Variants in KDM7A observed in about 807,000 individuals in gnomAD.
KDM7A encodes lysine demethylase 7A.
Under a neutral mutation model 114.8 loss-of-function variants are expected in KDM7A, and 28 were observed. The ratio of observed to expected loss-of-function variants is 0.24; its 90% CI spans 0.18 to 0.33. The LOEUF is 0.33. KDM7A is among the 10% of genes least tolerant of loss of function. KDM7A has a pLI of 1.00. For missense variants in KDM7A, 942 were observed against 1,142.5 expected (o/e 0.82, Z 2.53); for synonymous variants, 423 against 397.8 (o/e 1.06, Z -0.75).
intron 1 of KDM7A, among the ~76,000 whole-genome samples, chr7:140,163,916 T>G (rs980141523): frequency 6.6e-6 from 1 of 152,128 alleles, no homozygotes; most frequent in Non-Finnish European, 1.5e-5. Context: ...AAAAAGAAAT[T>G]TTCTAATTAT....
intron 10 of KDM7A, among the ~76,000 whole-genome samples, chr7:140,113,245 T>C (rs1818461410): frequency 6.6e-6 from 1 of 152,250 alleles, no homozygotes; most frequent in African/African-American, 2.4e-5. Flanking sequence ...TCTTAGTCAA[T>C]TTCCTAAATA....
At chr7:140,104,172 C>A (rs1214426787) in intron 11 of KDM7A, among the ~76,000 whole-genome samples, 1 of 151,978 alleles carries the variant, frequency 6.6e-6, no homozygotes, top group African/African-American at 2.4e-5. Context: ...GATTTTTTCT[C>A]GTAAATCTGT....
At chr7:140,158,514 AGAAGGGAG>A (rs1794483469) in intron 1 of KDM7A, among the ~76,000 whole-genome samples, 1 of 152,370 alleles carries the variant, frequency 6.6e-6, no homozygotes, top group East Asian at 1.9e-4. Flanking sequence ...GTTCTGATCA[AGAAGGGAG>A]GGAGTCGTGG....
intron 6 of KDM7A, among the ~76,000 whole-genome samples, chr7:140,125,577 G>GT (rs1048781148): frequency 6.6e-6 from 1 of 152,108 alleles, no homozygotes. Context: ...CTTTTGTTTT[G>GT]TTTTTTTGAG....
Position 140,107,326 on chromosome 7 carries a change from G to GT in KDM7A, c.1428+3768_1428+3769insA, listed in dbSNP as rs1818354893. Among the ~76,000 whole-genome samples the GT allele has an allele frequency of 3.9e-5, 6 of 152,268 alleles. No homozygotes were observed. The South Asian group carries it at 1.2e-3, about 32-fold the overall frequency. ...TGATCCACTCATTATGATGTTAGCT[G>GT]CTTATTTTGCTTGTTAGTTGGTGCA... On this transcript the variant is annotated intron_variant, in intron 11 of 19. Coordinates refer to ENST00000397560, the MANE Select transcript of KDM7A (RefSeq NM_030647.2).
At position 140,176,625 on chromosome 7, in the gene KDM7A, C is replaced by G; in HGVS notation, c.194+119G>C. The G allele has an allele frequency of 1.3e-6, 1 of 742,972 alleles. No homozygotes were observed. Among genetic ancestry groups the G allele is most frequent in the African/African-American group, 1.9e-5 (1 of 51,638 alleles). 46.0% of individuals were successfully genotyped at this position (742,972 alleles called of 1,614,324 possible). ...GGCCGGGGGGCTAGGCACCGGGGCC[C>G]CCTGAAAGCTGGGCGCGGCGCGGCG... On this transcript the variant is annotated intron_variant, in intron 1 of 19. Coordinates refer to ENST00000397560, the MANE Select transcript of KDM7A (RefSeq NM_030647.2). This position sits in a 1 kb window ranked among gnomAD's most constrained non-coding sequence, Gnocchi z 4.4.
At chr7:140,128,987 A>C (rs1236031842) in intron 4 of KDM7A, among the ~76,000 whole-genome samples, 1 of 152,240 alleles carries the variant, frequency 6.6e-6, no homozygotes, top group African/African-American at 2.4e-5. Context: ...AGACATCATT[A>C]AATGGCAATA....
intron 15 of KDM7A, among the ~76,000 whole-genome samples, chr7:140,097,249 G>C (rs1301355105): frequency 6.6e-6 from 1 of 152,134 alleles, no homozygotes; most frequent in African/African-American, 2.4e-5. Flanking sequence ...ACACAGTATA[G>C]GCTTTCTTTA....
At chr7:140,112,230 A>T (rs981363851) in intron 10 of KDM7A, among the ~76,000 whole-genome samples, 28 of 152,322 alleles carry the variant, frequency 1.8e-4, no homozygotes, top group African/African-American at 6.7e-4. Context: ...GGGAGTATAA[A>T]ATCATTGAGG....
At chr7:140,130,458 T>G (rs979144585) in intron 3 of KDM7A, among the ~76,000 whole-genome samples, 1 of 151,764 alleles carries the variant, frequency 6.6e-6, no homozygotes, top group Non-Finnish European at 1.5e-5. Flanking sequence ...TCGTCTCTAC[T>G]AAAAATACAA....
rs1585133318 is a variant in KDM7A at position 140,088,249 on chromosome 7, T to G, written c.*2845A>C. On this transcript the variant is annotated 3_prime_UTR_variant, in exon 20 of 20. Transcript: ENST00000397560. Reference sequence around the variant, plus strand: ...ACTGAACTACTACAAACTGCCAACTTTATATTGTTTACATCACTCATCAAT... The same window carrying G: ...ACTGAACTACTACAAACTGCCAACTGTATATTGTTTACATCACTCATCAAT... 2.9e-6 allele frequency: 1 copy of G among 346,010 alleles called. No individual in the cohort carries two copies. Among genetic ancestry groups the G allele is most frequent in the East Asian group, 4.3e-5 (1 of 23,470 alleles). 21.4% of individuals were successfully genotyped at this position (346,010 alleles called of 1,614,324 possible).
intron 9 of KDM7A, among the ~76,000 whole-genome samples, chr7:140,116,958 A>T (rs1336020546): frequency 6.6e-6 from 1 of 152,222 alleles, no homozygotes; most frequent in African/African-American, 2.4e-5. Context: ...GCCTTAGAAC[A>T]GTCTGAGAGC....
rs1244508194 is a variant in KDM7A at position 140,090,240 on chromosome 7, T to C, written c.*854A>G. 1 of 152,208 alleles carries C rather than the reference T, an allele frequency of 6.6e-6. No individual in the cohort carries two copies. The highest frequency in any genetic ancestry group is 1.5e-5 in the Non-Finnish European group (1 of 68,046). The allele number at this position is 152,208 out of a possible 1,614,324, so 9.4% of individuals were successfully genotyped here. On this transcript the variant is annotated 3_prime_UTR_variant, in exon 20 of 20. Coordinates refer to ENST00000397560, the MANE Select transcript of KDM7A (RefSeq NM_030647.2). ...ATGAAAATGCAAAAGCCTATTTTTT[T>C]TAATGTTGAGAAGAAAATCACAATG...
At chr7:140,135,428 C>A (rs1213411105) in intron 2 of KDM7A, among the ~76,000 whole-genome samples, 2 of 152,060 alleles carry the variant, frequency 1.3e-5, no homozygotes, top group African/African-American at 4.8e-5. Context: ...GTCTCGATCT[C>A]CTGACCTTGT....
intron 7 of KDM7A, among the ~76,000 whole-genome samples, chr7:140,123,944 C>G (rs1408701631): frequency 6.6e-6 from 1 of 151,982 alleles, no homozygotes; most frequent in African/African-American, 2.4e-5. Flanking sequence ...GTGGCGGGCG[C>G]CTGTAGTCCC....
intron 10 of KDM7A, among the ~76,000 whole-genome samples, chr7:140,112,391 C>T (rs750962564): frequency 5.3e-5 from 8 of 152,144 alleles, no homozygotes; most frequent in Non-Finnish European, 8.8e-5. Context: ...GGGTGGATCA[C>T]CTGAGGTCAG....
At chr7:140,114,126 T>A (rs1818475187) in intron 9 of KDM7A, among the ~76,000 whole-genome samples, 1 of 150,994 alleles carries the variant, frequency 6.6e-6, no homozygotes, top group Non-Finnish European at 1.5e-5. Flanking sequence ...ATGTAACCAC[T>A]TAGAATTTGT....
chr7:140,085,706 A>T lies in KDM7A; in HGVS notation c.*5388T>A, dbSNP rs1436734827. The stretch of plus-strand genomic sequence containing the variant: ...TCTAACCATAAACTGTAAGGCCCTT[A>T]GTTTGGTTTAGGTTTCTTTTGCAAG... On this transcript the variant is annotated 3_prime_UTR_variant, in exon 20 of 20. Coordinates refer to ENST00000397560, the MANE Select transcript of KDM7A (RefSeq NM_030647.2). The T allele has an allele frequency of 2.0e-5, 3 of 152,130 alleles. No individual in the cohort carries two copies. Among genetic ancestry groups the T allele is most frequent in the African/African-American group, 4.8e-5 (2 of 41,420 alleles). The allele number at this position is 152,130 out of a possible 1,614,324, so 9.4% of individuals were successfully genotyped here.
intron 2 of KDM7A, among the ~76,000 whole-genome samples, chr7:140,135,816 G>A (rs890582529): frequency 6.6e-6 from 1 of 151,406 alleles, no homozygotes; most frequent in East Asian, 1.9e-4. Context: ...CTCCAAAAAA[G>A]TGGTACTAGT....
Sources: allele counts gnomAD v4.1 joint callset (sites outside exome capture counted in the v4.1 genomes callset), GRCh38; gene constraint gnomAD v4.1.1; non-coding constraint Gnocchi (gnomAD v3.1); transcripts MANE v1.5; gene names NCBI Gene and HGNC (gene_info 2026-07-23, HGNC 2026-07-21).